The following DOCK4 variants were observed in gnomAD, a reference collection of about 807,000 sequenced individuals.
DOCK4 encodes dedicator of cytokinesis 4.
A neutral mutation model predicts 268.1 loss-of-function variants in DOCK4; 97 were observed. The ratio of observed to expected loss-of-function variants is 0.36; its 90% confidence interval spans 0.31 to 0.43. DOCK4 has a LOEUF of 0.43. DOCK4 is among the 20% of genes least tolerant of loss of function. The pLI is 1.00. For synonymous variants in DOCK4, 954 were observed against 887.2 expected (o/e 1.08, Z -1.34); for missense variants, 2,145 against 2,455.7 (o/e 0.87, Z 2.67).
At chr7:111,917,971 C>T in intron 12 of DOCK4, among the ~76,000 whole-genome samples, 1 of 152,008 alleles carries the variant, frequency 6.6e-6, no homozygotes, top group East Asian at 1.9e-4. Flanking sequence ...CCCTTTTACT[C>T]TCTTTCAATA....
intron 1 of DOCK4, among the ~76,000 whole-genome samples, chr7:112,134,225 C>T (rs1434303333): frequency 6.6e-6 from 1 of 152,134 alleles, no homozygotes; most frequent in East Asian, 1.9e-4. Flanking sequence ...ACAATAGCAA[C>T]ACTCTTCCTC....
At chr7:111,882,151 T>C (rs1432671609) in intron 16 of DOCK4, among the ~76,000 whole-genome samples, 5 of 152,244 alleles carry the variant, frequency 3.3e-5, no homozygotes, top group Non-Finnish European at 5.9e-5. Context: ...GTGATTATTA[T>C]GCATTGCATG....
chr7:112,201,772 T>C (rs1020575326), intron 1 of DOCK4, among the ~76,000 whole-genome samples: 7 of 152,134 alleles, frequency 4.6e-5, no homozygotes, highest in African/African-American at 7.2e-5. Flanking sequence ...TTCTGTGCGA[T>C]AGATCACTAA....
intron 7 of DOCK4, among the ~76,000 whole-genome samples, chr7:111,977,736 A>G (rs1798314635): frequency 6.6e-6 from 1 of 152,232 alleles, no homozygotes; most frequent in Non-Finnish European, 1.5e-5. Flanking sequence ...TATCTAAGTT[A>G]TAACTTCTCA....
intron 1 of DOCK4, among the ~76,000 whole-genome samples, chr7:112,108,411 G>A (rs962816902): frequency 6.6e-6 from 1 of 151,998 alleles, no homozygotes; most frequent in Non-Finnish European, 1.5e-5. Context: ...TTTAAACTTC[G>A]TAGGACAAGC....
chr7:112,043,301 T>C (rs1247223890), intron 1 of DOCK4, among the ~76,000 whole-genome samples: 1 of 152,068 alleles, frequency 6.6e-6, no homozygotes, highest in Non-Finnish European at 1.5e-5. Context: ...ATGTTACTCA[T>C]AAATTATAAT....
chr7:112,154,981 C>A (rs1329464175), intron 1 of DOCK4, among the ~76,000 whole-genome samples: 3 of 152,204 alleles, frequency 2.0e-5, no homozygotes, highest in Admixed American at 6.5e-5. Context: ...ACACCACTCA[C>A]TGGCAGTTTC....
intron 1 of DOCK4, among the ~76,000 whole-genome samples, chr7:112,039,630 G>C (rs1032024804): frequency 9.2e-5 from 14 of 152,162 alleles, no homozygotes; most frequent in Middle Eastern, 3.4e-3. Context: ...ATATGGGCTA[G>C]AGTAGAGTCG....
intron 1 of DOCK4, among the ~76,000 whole-genome samples, chr7:112,109,958 AT>A (rs1811498354): frequency 6.6e-6 from 1 of 151,160 alleles, no homozygotes; most frequent in African/African-American, 2.5e-5. Flanking sequence ...GTTAGCCAGG[AT>A]GGTCTCGATC....
rs115376989 is a variant in DOCK4, at chr7:112,006,781, G to C, written c.38-2650C>G. Among the ~76,000 whole-genome samples the C allele has an allele frequency of 7.7e-3, 1,166 of 152,266 alleles. 24 individuals are homozygous for C. The highest frequency in any genetic ancestry group is 0.026 in the African/African-American group (1,100 of 41,542). ...CTGTGTAATCACTGCCTGTGATCAA[G>C]TGGACACTTGTCTCCACCTGCAACA... On this transcript the variant is annotated intron_variant, in intron 1 of 52. Transcript: ENST00000428084.
intron 8 of DOCK4, among the ~76,000 whole-genome samples, chr7:111,970,940 A>G (rs147890604): frequency 3.9e-5 from 6 of 152,324 alleles, no homozygotes; most frequent in African/African-American, 1.4e-4. Context: ...TTTAGAAACA[A>G]AAGTAATGGG....
intron 1 of DOCK4, among the ~76,000 whole-genome samples, chr7:112,098,136 A>C (rs1345095411): frequency 6.6e-6 from 1 of 152,204 alleles, no homozygotes; most frequent in Non-Finnish European, 1.5e-5. Flanking sequence ...CTCTAAAAAT[A>C]AACTATTCAC....
intron 39 of DOCK4, among the ~76,000 whole-genome samples, chr7:111,762,016 T>C (rs537307964): frequency 3.5e-4 from 53 of 152,012 alleles, no homozygotes; most frequent in Non-Finnish European, 6.8e-4. Flanking sequence ...AAATGAAATA[T>C]ATTTTAAAAC....
chr7:111,974,471 C>G (rs887286087), intron 8 of DOCK4, among the ~76,000 whole-genome samples: 1 of 141,764 alleles, frequency 7.1e-6, no homozygotes. Flanking sequence ...CATTACAGAT[C>G]AGGTGGCATA....
chr7:112,056,934 T>C (rs530286534), intron 1 of DOCK4, among the ~76,000 whole-genome samples: 1 of 152,250 alleles, frequency 6.6e-6, no homozygotes, highest in South Asian at 2.1e-4. Flanking sequence ...TAACTATATA[T>C]TGTATATTAG....
At chr7:112,096,748 A>C (rs960521831) in intron 1 of DOCK4, among the ~76,000 whole-genome samples, 2 of 152,190 alleles carry the variant, frequency 1.3e-5, no homozygotes, top group Admixed American at 6.5e-5. Flanking sequence ...CCCAGACCCA[A>C]AGACCAAAAT....
At chr7:112,135,194 T>C (rs1229837561) in intron 1 of DOCK4, among the ~76,000 whole-genome samples, 1 of 152,184 alleles carries the variant, frequency 6.6e-6, no homozygotes, top group African/African-American at 2.4e-5. Flanking sequence ...AAAGTTGGTA[T>C]ATTTTTCAAG....
intron 30 of DOCK4, chr7:111,807,516 G>A (rs1291739675): frequency 1.3e-5 from 2 of 149,296 alleles, no homozygotes; most frequent in Non-Finnish European, 3.0e-5. Flanking sequence ...CTGTCACCCA[G>A]GCTGATGGAG....
intron 10 of DOCK4, among the ~76,000 whole-genome samples, chr7:111,943,739 C>T (rs1276237071): frequency 6.6e-6 from 1 of 152,116 alleles, no homozygotes; most frequent in East Asian, 1.9e-4. Flanking sequence ...TTTATTTCTA[C>T]TGTCCTTCAA....
Sources: allele counts gnomAD v4.1 joint callset (sites outside exome capture counted in the v4.1 genomes callset), GRCh38; gene constraint gnomAD v4.1.1; transcripts MANE v1.5; gene names NCBI Gene and HGNC (gene_info 2026-07-23, HGNC 2026-07-21).